Variants in CACNA2D3 observed in about 807,000 individuals in gnomAD.
The protein encoded by CACNA2D3 is voltage-dependent calcium channel subunit alpha-2/delta-3.
In CACNA2D3, 60 loss-of-function variants were observed where a neutral mutation model predicts 160.6. The ratio of observed to expected loss-of-function variants is 0.37; its 90% CI spans 0.30 to 0.46. The LOEUF (loss-of-function observed/expected upper bound fraction) is 0.46, where lower values mean the gene tolerates loss of function less well. Among genes scored for constraint, CACNA2D3 ranks in the 20% least tolerant of loss-of-function variants. CACNA2D3 has a pLI of 1.00. For missense variants in CACNA2D3, 1,205 were observed against 1,365.0 expected, an observed-to-expected ratio of 0.88 and a Z score of 1.85; for synonymous variants, 558 against 492.9, an observed-to-expected ratio of 1.13 and a Z score of -1.75.
rs115628094 is a variant in CACNA2D3, at chr3:54,714,660, A to G, written c.1168-37939A>G. 2.6e-3 allele frequency among the ~76,000 whole-genome samples: 398 copies of G among 152,182 alleles called. 2 individuals carry two copies. The highest frequency in any genetic ancestry group is 7.8e-3 in the African/African-American group (324 of 41,504). ...GACAAAAATTTTACAATCATAGACT[A>G]TTTCCTCACTAGACCACCTCTTTGC... On this transcript the variant is annotated intron_variant, in intron 11 of 37. Coordinates refer to ENST00000474759, the MANE Select transcript of CACNA2D3 (RefSeq NM_018398.3).
At chr3:54,314,277 A>G (rs1005929517) in intron 2 of CACNA2D3, among the ~76,000 whole-genome samples, 6 of 152,234 alleles carry the variant, frequency 3.9e-5, no homozygotes, top group African/African-American at 1.4e-4. Flanking sequence ...TCATATATCT[A>G]TACCATAGTT....
At chr3:54,362,149 G>T (rs1698754053) in intron 3 of CACNA2D3, among the ~76,000 whole-genome samples, 1 of 152,158 alleles carries the variant, frequency 6.6e-6, no homozygotes. Context: ...TCATCTCTAG[G>T]TCAGAGGTCC....
chr3:54,589,165 G>T (rs1310780284), intron 9 of CACNA2D3, among the ~76,000 whole-genome samples: 1 of 151,972 alleles, frequency 6.6e-6, no homozygotes, highest in African/African-American at 2.4e-5. Flanking sequence ...CATTAGAAGA[G>T]AAATAGACAT....
At chr3:54,520,765 C>T (rs1185040037) in intron 5 of CACNA2D3, among the ~76,000 whole-genome samples, 1 of 152,172 alleles carries the variant, frequency 6.6e-6, no homozygotes, top group Non-Finnish European at 1.5e-5. Flanking sequence ...CTATCGTTCC[C>T]TTGTCCCAAC....
intron 21 of CACNA2D3, 139 bp from the exon 22 acceptor site, chr3:54,885,142 C>A: frequency 2.7e-6 from 2 of 743,866 alleles, no homozygotes; most frequent in Non-Finnish European, 4.6e-6. Flanking sequence ...AGAAAATAAA[C>A]CTGCTGCTCC....
chr3:55,003,970 A>G (rs562335664), intron 31 of CACNA2D3, among the ~76,000 whole-genome samples: 29 of 152,328 alleles, frequency 1.9e-4, no homozygotes, highest in African/African-American at 5.8e-4. Context: ...TCAAAGCACC[A>G]TATTTTGGCG....
At chr3:54,759,314 T>G (rs920003180) in intron 12 of CACNA2D3, among the ~76,000 whole-genome samples, 5 of 151,898 alleles carry the variant, frequency 3.3e-5, no homozygotes, top group African/African-American at 1.2e-4. Flanking sequence ...AGACCTAGAA[T>G]TTAACAGGAA....
At chr3:54,754,959 T>C (rs1701944322) in intron 12 of CACNA2D3, among the ~76,000 whole-genome samples, 1 of 152,002 alleles carries the variant, frequency 6.6e-6, no homozygotes, top group Non-Finnish European at 1.5e-5. Context: ...AAGGAAGACG[T>C]GTTTGTGTTT....
chr3:55,022,694 T>C (rs1408675705), intron 35 of CACNA2D3, among the ~76,000 whole-genome samples: 1 of 148,258 alleles, frequency 6.7e-6, no homozygotes, highest in Non-Finnish European at 1.5e-5. Context: ...ATTGGATTGA[T>C]TGGGTTTTTC....
intron 9 of CACNA2D3, among the ~76,000 whole-genome samples, chr3:54,592,725 A>C (rs941199686): frequency 3.9e-5 from 6 of 152,186 alleles, no homozygotes; most frequent in African/African-American, 1.4e-4. Flanking sequence ...TTCATTTGCA[A>C]ATATTTGTTG....
At chr3:54,544,296 G>A (rs558579867) in intron 5 of CACNA2D3, among the ~76,000 whole-genome samples, 25 of 151,894 alleles carry the variant, frequency 1.6e-4, no homozygotes, top group African/African-American at 6.0e-4. Flanking sequence ...TTTTAATGGT[G>A]GGTTACTGTT....
At chr3:54,898,962 G>A (rs997899091) in intron 26 of CACNA2D3, among the ~76,000 whole-genome samples, 3 of 152,108 alleles carry the variant, frequency 2.0e-5, no homozygotes, top group Non-Finnish European at 4.4e-5. Context: ...AAAAGAAACT[G>A]GTTTTTATTG....
chr3:54,453,811 C>T (rs567751222), intron 4 of CACNA2D3, among the ~76,000 whole-genome samples: 2 of 152,300 alleles, frequency 1.3e-5, no homozygotes, highest in South Asian at 2.1e-4. Context: ...CACAAAAGTC[C>T]TGGGCCCTCC....
At chr3:54,289,304 A>G (rs1003902500) in intron 2 of CACNA2D3, among the ~76,000 whole-genome samples, 10 of 152,066 alleles carry the variant, frequency 6.6e-5, no homozygotes, top group Non-Finnish European at 1.5e-4. Context: ...ACTCCCATTC[A>G]CAATTGCTTC....
intron 11 of CACNA2D3, among the ~76,000 whole-genome samples, chr3:54,713,831 C>T (rs887521192): frequency 2.6e-5 from 4 of 152,246 alleles, no homozygotes; most frequent in Non-Finnish European, 5.9e-5. Flanking sequence ...AAATTCTACT[C>T]TCATGCAGTT....
chr3:54,764,500 A>ACTAT, intron 13 of CACNA2D3, 149 bp downstream of exon 13: 1 of 920,166 alleles, frequency 1.1e-6, no homozygotes, highest in Non-Finnish European at 1.6e-6. Context: ...TCACCTTGAC[A>ACTAT]AGCAAAGTTG....
intron 9 of CACNA2D3, among the ~76,000 whole-genome samples, chr3:54,619,337 C>A (rs1003266406): frequency 6.6e-6 from 1 of 152,188 alleles, no homozygotes; most frequent in Admixed American, 6.5e-5. Context: ...AGGGGCTGTT[C>A]CACTTTAGGT....
rs138918316 is a variant in CACNA2D3, at chr3:54,491,217, G to A, written c.382-12275G>A. Among the ~76,000 whole-genome samples the A allele has an allele frequency of 2.0e-5, 3 of 152,298 alleles. No individual in the cohort carries two copies. The East Asian group carries it at 5.8e-4, about 29-fold the overall frequency. On this transcript the variant is annotated intron_variant, in intron 4 of 37. Transcript: ENST00000474759. ...CTTAGGGTCAGTGGTGCATTGATGTGAGAGAAGCTCAGGTGCGCCTCTTAG... is the reference window on the plus strand; with the variant it reads ...CTTAGGGTCAGTGGTGCATTGATGTAAGAGAAGCTCAGGTGCGCCTCTTAG...
intron 2 of CACNA2D3, among the ~76,000 whole-genome samples, chr3:54,167,611 G>C (rs1429608271): frequency 2.0e-5 from 3 of 152,210 alleles, no homozygotes; most frequent in African/African-American, 4.8e-5. Flanking sequence ...GAATCAGAGA[G>C]TGTGGGAGGA....
Sources: allele counts gnomAD v4.1 joint callset (sites outside exome capture counted in the v4.1 genomes callset), GRCh38; gene constraint gnomAD v4.1.1; transcripts MANE v1.5; gene names NCBI Gene and HGNC (gene_info 2026-07-23, HGNC 2026-07-21).